Variants in UST observed in about 807,000 individuals in gnomAD.
The protein encoded by UST is chondroitin sulfate 2-O-sulfotransferase.
In UST, 21 loss-of-function variants were observed where a neutral mutation model predicts 45.6. That is an observed-to-expected ratio of 0.46 (90% confidence interval 0.33 to 0.66). UST has a LOEUF of 0.66. UST is among the 30% of genes least tolerant of loss of function. The pLI, the probability that UST is intolerant of heterozygous loss-of-function variation, is 0.02. For missense variants in UST, 463 were observed against 512.4 expected (o/e 0.90, Z 0.93); for synonymous variants, 215 against 200.6 (o/e 1.07, Z -0.61).
chr6:148,837,837 G>C (rs552744401), intron 1 of UST, among the ~76,000 whole-genome samples: 7 of 152,038 alleles, frequency 4.6e-5, no homozygotes, highest in Non-Finnish European at 8.8e-5. Context: ...CAAGTAGCTG[G>C]GACTATAGGC....
At chr6:148,812,884 C>G (rs374079412) in intron 1 of UST, among the ~76,000 whole-genome samples, 1 of 152,120 alleles carries the variant, frequency 6.6e-6, no homozygotes, top group East Asian at 1.9e-4. Context: ...CGTCTTCGAG[C>G]CTGGATACTA....
At chr6:149,065,364 T>C (rs770069466) in intron 7 of UST, among the ~76,000 whole-genome samples, 2 of 152,224 alleles carry the variant, frequency 1.3e-5, no homozygotes, top group African/African-American at 2.4e-5. Context: ...GTGGAAAACT[T>C]AGCAATGGAA....
intron 7 of UST, among the ~76,000 whole-genome samples, chr6:149,060,705 C>A (rs1359147426): frequency 6.6e-6 from 1 of 152,140 alleles, no homozygotes; most frequent in African/African-American, 2.4e-5. Context: ...TTTCGGCACA[C>A]CTGTTGCCTG....
chr6:148,760,198 G>A (rs1229875178), intron 1 of UST, among the ~76,000 whole-genome samples: 3 of 152,068 alleles, frequency 2.0e-5, no homozygotes, highest in Non-Finnish European at 4.4e-5. Flanking sequence ...CTCCACCTCC[G>A]CCAGAACTTG....
intron 7 of UST, among the ~76,000 whole-genome samples, chr6:149,022,101 G>GT (rs1324491570): frequency 1.6e-4 from 24 of 152,212 alleles, no homozygotes; most frequent in Non-Finnish European, 3.5e-4. Context: ...TGGTATCATC[G>GT]TAAGTATAAT....
intron 5 of UST, among the ~76,000 whole-genome samples, chr6:149,001,985 A>T (rs1156949865): frequency 6.6e-6 from 1 of 152,200 alleles, no homozygotes; most frequent in Non-Finnish European, 1.5e-5. Flanking sequence ...AAAAAATTTA[A>T]TGACTTTTCC....
chr6:148,933,416 T>C (rs1779959278), intron 2 of UST, among the ~76,000 whole-genome samples: 1 of 152,212 alleles, frequency 6.6e-6, no homozygotes, highest in African/African-American at 2.4e-5. Flanking sequence ...TATTTATTTT[T>C]CTGTAGGTAG....
intron 2 of UST, among the ~76,000 whole-genome samples, chr6:148,892,805 G>A (rs1453142525): frequency 6.6e-6 from 1 of 152,036 alleles, no homozygotes; most frequent in African/African-American, 2.4e-5. Flanking sequence ...TATAACTGGT[G>A]GGTAATTGTT....
chr6:149,074,933 T>C lies in UST; in HGVS notation c.*817T>C, dbSNP rs1317641713. ...GAGTACCTTTCAAGGTCAAAGTGCATGGCCAGCTCCATTGAGACATTCCAT... is the reference window on the plus strand; with the variant it reads ...GAGTACCTTTCAAGGTCAAAGTGCACGGCCAGCTCCATTGAGACATTCCAT... On this transcript the variant is annotated 3_prime_UTR_variant, in exon 8 of 8. Transcript: ENST00000367463. 4 of 152,348 alleles carry C rather than the reference T, an allele frequency of 2.6e-5. No homozygotes were observed. Among genetic ancestry groups the C allele is most frequent in the Non-Finnish European group, 4.4e-5 (3 of 68,170 alleles). The allele number at this position is 152,348 out of a possible 1,614,324, so 9.4% of individuals were successfully genotyped here.
intron 3 of UST, among the ~76,000 whole-genome samples, chr6:148,944,508 TACACACACACACACAC>T (rs10663979): frequency 4.9e-5 from 7 of 142,544 alleles, no homozygotes; most frequent in Non-Finnish European, 1.1e-4. Flanking sequence ...GTTGTGATCA[TACACACACACACACAC>T]ACACACACAC....
At chr6:149,013,304 C>T (rs1775846180) in intron 5 of UST, among the ~76,000 whole-genome samples, 1 of 152,094 alleles carries the variant, frequency 6.6e-6, no homozygotes, top group Non-Finnish European at 1.5e-5. Context: ...AATCCCAGCA[C>T]TTTGGGAGGT....
At chr6:149,067,543 A>G (rs867178347) in intron 7 of UST, among the ~76,000 whole-genome samples, 2 of 152,298 alleles carry the variant, frequency 1.3e-5, no homozygotes, top group Middle Eastern at 3.4e-3. Context: ...GGAGTGTTCT[A>G]GCAAACATAG....
intron 1 of UST, among the ~76,000 whole-genome samples, chr6:148,822,998 TTGTGGGTAAGTGGGTATA>T (rs1433346631): frequency 6.6e-6 from 1 of 152,172 alleles, no homozygotes; most frequent in African/African-American, 2.4e-5. Context: ...GTGTTTGTAT[TTGTGGGTAAGTGGGTATA>T]TGTGCACATG....
rs563776449 is a variant in UST, at chr6:149,019,037, G to A, written c.682-102G>A. Reference sequence around the variant, plus strand: ...TGAATTCTCTTCATCTTCTCAAGGCGTGCCTGTGTAATTCAATCATGAATT... The same window carrying A: ...TGAATTCTCTTCATCTTCTCAAGGCATGCCTGTGTAATTCAATCATGAATT... On this transcript the variant is annotated intron_variant, in intron 5 of 7. Coordinates refer to ENST00000367463, the MANE Select transcript of UST (RefSeq NM_005715.3). 1.0e-4 allele frequency: 93 copies of A among 909,026 alleles called. 1 individual carries two copies. The Middle Eastern group carries it at 1.1e-3, about 11-fold the overall frequency. The allele number at this position is 909,026 out of a possible 1,614,324, so 56.3% of individuals were successfully genotyped here.
Position 148,851,065 on chromosome 6 carries a change from C to T in UST, c.248-35921C>T, listed in dbSNP as rs561940924. Among the ~76,000 whole-genome samples the T allele has an allele frequency of 3.3e-5, 5 of 152,262 alleles. No homozygotes were observed. In the South Asian group the frequency reaches 1.0e-3, roughly 32 times the overall value. On this transcript the variant is annotated intron_variant, in intron 1 of 7. Coordinates refer to ENST00000367463, the MANE Select transcript of UST (RefSeq NM_005715.3). ...TGTGAAGCTGATGGCTCAGGGCTTC[C>T]TGCTCTTGTTTGGAGGTGGTGTCAG... is the stretch of plus-strand genomic sequence containing the variant.
chr6:148,829,710 T>C (rs748796706), intron 1 of UST, among the ~76,000 whole-genome samples: 1 of 152,190 alleles, frequency 6.6e-6, no homozygotes, highest in Admixed American at 6.5e-5. Flanking sequence ...GGTTCACTTT[T>C]ATATATTCAG....
chr6:148,804,817 AAT>A (rs1300469426), intron 1 of UST, among the ~76,000 whole-genome samples: 2 of 130,308 alleles, frequency 1.5e-5, no homozygotes, highest in Admixed American at 7.6e-5. Context: ...TTTATATGTA[AAT>A]ATATATATAA....
At chr6:148,829,847 T>G (rs773016696) in intron 1 of UST, among the ~76,000 whole-genome samples, 14 of 152,224 alleles carry the variant, frequency 9.2e-5, no homozygotes, top group Non-Finnish European at 1.9e-4. Flanking sequence ...CTTGCTTTGG[T>G]CTGACCTAGG....
rs556013906 is a variant in UST at position 148,786,027 on chromosome 6, A to G, written c.247+38350A>G. ...ATATCATGTTAGCTTTTTAAATAGT[A>G]TATAGTGCAATTGGAACTCAATCTT... is the stretch of plus-strand genomic sequence containing the variant. On this transcript the variant is annotated intron_variant, in intron 1 of 7. Coordinates refer to ENST00000367463, the MANE Select transcript of UST (RefSeq NM_005715.3). Among the ~76,000 whole-genome samples the G allele has an allele frequency of 1.8e-4, 27 of 152,182 alleles. No individual in the cohort carries two copies. The South Asian group carries it at 4.8e-3, about 27-fold the overall frequency.
Sources: allele counts gnomAD v4.1 joint callset (sites outside exome capture counted in the v4.1 genomes callset), GRCh38; gene constraint gnomAD v4.1.1; transcripts MANE v1.5; gene names NCBI Gene and HGNC (gene_info 2026-07-23, HGNC 2026-07-21).